ATM: variants seen among roughly 807,000 people sequenced by gnomAD.
The protein encoded by ATM is ATM serine/threonine kinase.
Under a neutral mutation model 387.0 loss-of-function variants are expected in ATM, and 308 were observed. The ratio of observed to expected loss-of-function variants is 0.80; its 90% CI spans 0.73 to 0.87. ATM has a LOEUF of 0.87. Among genes scored for constraint, ATM ranks in the 40% least tolerant of loss-of-function variants. The pLI, the probability that ATM is intolerant of heterozygous loss-of-function variation, is 0.00. For synonymous variants in ATM, 1,156 were observed against 1,187.3 expected (o/e 0.97, Z 0.54); for missense variants, 3,312 against 3,560.9 (o/e 0.93, Z 1.78).
At chr11:108,290,154 C>T (rs2135771562) in intron 29 of ATM, 1 of 190,568 alleles carries the variant, frequency 5.2e-6, no homozygotes, top group South Asian at 1.3e-4. Flanking sequence ...CTACTATGCC[C>T]AACCTATCCT....
At chr11:108,323,326 T>G (rs547313726) in intron 45 of ATM, among the ~76,000 whole-genome samples, 1 of 152,296 alleles carries the variant, frequency 6.6e-6, no homozygotes, top group Non-Finnish European at 1.5e-5. Flanking sequence ...GAATGAAAGA[T>G]TATCCTGCTG....
rs772572722 is a variant in ATM at position 108,332,903 on chromosome 11, A to T, written c.7927+3A>T. 6.2e-7 allele frequency: 1 copy of T among 1,611,350 alleles called. No individual in the cohort carries two copies. ...CACTCAGTGGAAGACTCAGAGAAGTATGTTTTTTTTAAAGAAGAAACGTTA... is the reference window on the plus strand; with the variant it reads ...CACTCAGTGGAAGACTCAGAGAAGTTTGTTTTTTTTAAAGAAGAAACGTTA... On this transcript the variant is annotated splice_donor_region_variant and intron_variant, in intron 53 of 62. Coordinates refer to ENST00000675843, the MANE Select transcript of ATM (RefSeq NM_000051.4).
At chr11:108,295,233 T>G (rs1444971834) in intron 32 of ATM, 174 bp downstream of exon 32, 11 of 750,196 alleles carry the variant, frequency 1.5e-5, no homozygotes, top group Non-Finnish European at 2.4e-5. Context: ...CTTCTCACCC[T>G]GAACTCTTCC....
intron 7 of ATM, among the ~76,000 whole-genome samples, chr11:108,246,478 G>A (rs930857110): frequency 3.9e-5 from 6 of 152,184 alleles, no homozygotes; most frequent in Non-Finnish European, 8.8e-5. Context: ...TCAAGCCACA[G>A]TTGGATTACC....
intron 39 of ATM, among the ~76,000 whole-genome samples, 165 bp downstream of exon 39, chr11:108,310,480 G>A (rs80070603): frequency 6.6e-6 from 1 of 152,062 alleles, no homozygotes; most frequent in African/African-American, 2.4e-5. Flanking sequence ...AAAGGAATAT[G>A]TAATTCCTGT....
At chr11:108,339,347 T>C (rs1481219801) in intron 56 of ATM, among the ~76,000 whole-genome samples, 1 of 152,198 alleles carries the variant, frequency 6.6e-6, no homozygotes, top group East Asian at 1.9e-4. Flanking sequence ...CAATAAATAA[T>C]TTTTATTCCT....
chr11:108,240,387 C>G (rs2079495050), intron 5 of ATM, among the ~76,000 whole-genome samples: 1 of 152,132 alleles, frequency 6.6e-6, no homozygotes, highest in Non-Finnish European at 1.5e-5. Flanking sequence ...CCTTTTCCAG[C>G]ATGTCATATA....
intron 18 of ATM, among the ~76,000 whole-genome samples, chr11:108,269,118 C>T (rs1188049264): frequency 6.6e-6 from 1 of 152,160 alleles, no homozygotes; most frequent in Non-Finnish European, 1.5e-5. Context: ...TGAAATCGCA[C>T]ACGTGATGCT....
rs2091351497 is a variant in ATM at position 108,366,720 on chromosome 11, AAC to A, written c.*1217_*1218del. The stretch of plus-strand genomic sequence containing the variant: ...ATAGGAGATTTCCCAGGCCAAGGCA[AAC>A]ACACTTCCTCCTCATCTCCTTGTGC... On this transcript the variant is annotated 3_prime_UTR_variant, in exon 63 of 63. Transcript: ENST00000675843. 4.3e-6 allele frequency: 1 copy of A among 231,230 alleles called. No homozygotes were observed. The highest frequency in any genetic ancestry group is 2.2e-5 in the African/African-American group (1 of 45,234). 14.3% of individuals were successfully genotyped at this position (231,230 alleles called of 1,614,324 possible).
intron 40 of ATM, among the ~76,000 whole-genome samples, chr11:108,313,900 TTTTA>T (rs1335623128): frequency 2.0e-5 from 3 of 152,172 alleles, no homozygotes; most frequent in Non-Finnish European, 1.5e-5. Flanking sequence ...ATGTTTTCAT[TTTTA>T]TTTAACTGAG....
At position 108,256,256 on chromosome 11, in the gene ATM, G is replaced by C. The variant is rs1555074886; in HGVS notation, c.2166G>C (p.Leu722Phe). Reference sequence around the variant, plus strand: ...CTCTTGTCCGGTGTTCACGTCTTTTGGTGGGTGTCCTTGGCTGCTACTGTT... The same window carrying C: ...CTCTTGTCCGGTGTTCACGTCTTTTCGTGGGTGTCCTTGGCTGCTACTGTT... ...SETLVRCSRL[L>F]VGVLGCYCYM... is the part of the protein sequence containing the mutation. The change falls in exon 14 of 63, where the codon TTG becomes TTC. Residue 722 changes from leucine (L) to phenylalanine (F), a missense_variant. Physicochemically the swap from Leu to Phe is conservative, Grantham distance 22 (BLOSUM62 0). This residue lies in a region of ATM where 1,791 missense variants were observed against 1,804.5 expected (regional missense o/e 0.99). Transcript: ENST00000675843. The C allele has an allele frequency of 1.2e-6, 2 of 1,610,180 alleles. No homozygotes were observed. The highest frequency in any genetic ancestry group is 1.7e-6 in the Non-Finnish European group (2 of 1,177,498).
At chr11:108,315,673 A>G in intron 40 of ATM, 150 bp from the exon 41 acceptor site, 3 of 681,006 alleles carry the variant, frequency 4.4e-6, no homozygotes, top group Non-Finnish European at 7.7e-6. Flanking sequence ...TGTATTTCAG[A>G]ACTGTATTTC....
chr11:108,357,755 TAACA>T (rs2090185182), intron 61 of ATM, among the ~76,000 whole-genome samples: 1 of 151,994 alleles, frequency 6.6e-6, no homozygotes, highest in Non-Finnish European at 1.5e-5. Flanking sequence ...GAAGGAAAAC[TAACA>T]AACAGAAAGG....
In ATM at chr11:108,289,730, T is replaced by A. The variant is rs527471560; in HGVS notation, c.4365T>A (p.Ser1455Arg). The A allele has an allele frequency of 3.5e-5, 57 of 1,613,784 alleles. No individual in the cohort carries two copies. The East Asian group carries it at 1.3e-3, about 36-fold the overall frequency. The change falls in exon 29 of 63, where the codon AGT (serine) becomes AGA (arginine). Residue 1455 changes from serine (S) to arginine (R), a missense_variant. This residue lies in a region of ATM where 1,791 missense variants were observed against 1,804.5 expected (regional missense o/e 0.99). Transcript: ENST00000675843. ...FVSLLLKDIK[S>R]GLGGAWAFVL... ...GTTTATTACTGAAAGATATAAAAAG[T>A]GGCTTAGGAGGAGCTTGGGCCTTTG...
chr11:108,246,923 G>A (rs1236513714), intron 7 of ATM, 41 bp from the exon 8 acceptor site: 3 of 1,512,724 alleles, frequency 2.0e-6, no homozygotes, highest in Non-Finnish European at 1.8e-6. Context: ...TGTAAACAGA[G>A]TACATACATA....
rs1057521277 is a variant in ATM at position 108,353,896 on chromosome 11, T to G, written c.8786+16T>G. The G allele has an allele frequency of 1.3e-6, 2 of 1,596,886 alleles. No homozygotes were observed. Among genetic ancestry groups the G allele is most frequent in the Non-Finnish European group, 8.6e-7 (1 of 1,164,568 alleles). ...TCTTCAGAAGGTAAGTGATATGAAGTAAAGGAGGGAAATAATTTTTGATGT... is the reference window on the plus strand; with the variant it reads ...TCTTCAGAAGGTAAGTGATATGAAGGAAAGGAGGGAAATAATTTTTGATGT... On this transcript the variant is annotated intron_variant, in intron 60 of 62. Coordinates refer to ENST00000675843, the MANE Select transcript of ATM (RefSeq NM_000051.4).
At chr11:108,253,763 G>A (rs1254664673) in intron 12 of ATM, 51 bp from the exon 13 acceptor site, 4 of 1,397,548 alleles carry the variant, frequency 2.9e-6, no homozygotes, top group South Asian at 1.2e-5. Context: ...TACATATAAG[G>A]CAAAGCATTA....
rs1340280916 is a variant in ATM, at chr11:108,247,009, A to G, written c.947A>G (p.Tyr316Cys). The G allele has an allele frequency of 1.2e-6, 2 of 1,612,938 alleles. No homozygotes were observed. Among genetic ancestry groups the G allele is most frequent in the Non-Finnish European group, 1.7e-6 (2 of 1,179,236 alleles). Residue 316 changes from tyrosine (Y) to cysteine (C), a missense_variant, in exon 8 of 63, where the codon TAT (tyrosine) becomes TGT (cysteine). Tyr to Cys is a radical substitution (Grantham distance 194, BLOSUM62 -2). This residue lies in a region of ATM where 1,791 missense variants were observed against 1,804.5 expected (regional missense o/e 0.99). Coordinates refer to ENST00000675843, the MANE Select transcript of ATM (RefSeq NM_000051.4). ...TGGAGAAGTATTTTATACAACTTAT[A>G]TGATCTGCTAGTGAATGAGATAAGT... ...TKWRSILYNLYDLLVNEISHI... is the reference protein window; with the variant it reads ...TKWRSILYNLCDLLVNEISHI...
intron 15 of ATM, among the ~76,000 whole-genome samples, chr11:108,258,619 A>C (rs2080657378): frequency 6.6e-6 from 1 of 152,170 alleles, no homozygotes; most frequent in Non-Finnish European, 1.5e-5. Flanking sequence ...ATATATTTCA[A>C]ACCTAGTATT....
Sources: allele counts gnomAD v4.1 joint callset (sites outside exome capture counted in the v4.1 genomes callset), GRCh38; gene constraint gnomAD v4.1.1; regional missense constraint gnomAD v4.1.1; transcripts MANE v1.5; gene names NCBI Gene and HGNC (gene_info 2026-07-23, HGNC 2026-07-21).